The following SNRNP25 variants were observed in gnomAD, a reference collection of about 807,000 sequenced individuals.
The protein encoded by SNRNP25 is small nuclear ribonucleoprotein U11/U12 subunit 25.
Under a neutral mutation model 23.9 loss-of-function variants are expected in SNRNP25, and 21 were observed. The ratio of observed to expected loss-of-function variants is 0.88; its 90% CI spans 0.62 to 1.27. SNRNP25 has a LOEUF of 1.27. Among genes scored for constraint, SNRNP25 ranks in the 50% most tolerant of loss-of-function variants. The pLI, the probability that SNRNP25 is intolerant of heterozygous loss-of-function variation, is 0.00. For synonymous variants in SNRNP25, 63 were observed against 60.4 expected, an observed-to-expected ratio of 1.04 and a Z score of -0.20; for missense variants, 160 against 156.9, an observed-to-expected ratio of 1.02 and a Z score of -0.11.
At position 57,535 on chromosome 16, in the gene SNRNP25, G is replaced by A. The variant is rs915715433; in HGVS notation, c.*392G>A. The A allele has an allele frequency of 8.1e-6, 2 of 245,848 alleles. No individual in the cohort carries two copies. The highest frequency in any genetic ancestry group is 1.5e-3 in the Middle Eastern group (1 of 666). 15.2% of individuals were successfully genotyped at this position (245,848 alleles called of 1,614,324 possible). A position where few individuals can be genotyped will look rare whatever the true frequency, so the allele number is the denominator to read the frequency against. On this transcript the variant is annotated 3_prime_UTR_variant, in exon 5 of 5. Coordinates refer to ENST00000293861, the MANE Select transcript of SNRNP25 (RefSeq NM_024571.4). ...GAGTTAAGGGGAGAGAATTGGTACA[G>A]GCGAGTCCTATAGTCCAAGATGGCG...
Position 57,230 on chromosome 16 carries a change from A to C in SNRNP25, c.*87A>C, listed in dbSNP as rs941130559. The C allele has an allele frequency of 7.0e-7, 1 of 1,422,042 alleles. No individual in the cohort carries two copies. The highest frequency in any genetic ancestry group is 9.9e-7 in the Non-Finnish European group (1 of 1,007,914). 88.1% of individuals were successfully genotyped at this position (1,422,042 alleles called of 1,614,324 possible). A position where few individuals can be genotyped will look rare whatever the true frequency, so the allele number is the denominator to read the frequency against. The stretch of plus-strand genomic sequence containing the variant: ...GTCCTCGAATCATCGTGCCTCTTTC[A>C]CAGAAAGGACGTTGTGGTGGCCTCA... On this transcript the variant is annotated 3_prime_UTR_variant, in exon 5 of 5. Transcript: ENST00000293861.
intron 3 of SNRNP25, 157 bp from the exon 4 acceptor site, chr16:56,382 G>C (rs1416995878): frequency 1.3e-6 from 1 of 763,470 alleles, no homozygotes; most frequent in Non-Finnish European, 2.3e-6. Context: ...CCTTGTAGCT[G>C]CCTCAGACCC....
At chr16:55,909 A>G in intron 3 of SNRNP25, 27 bp downstream of exon 3, 1 of 1,602,838 alleles carries the variant, frequency 6.2e-7, no homozygotes, top group Non-Finnish European at 8.5e-7. Flanking sequence ...TCCCTTCATT[A>G]TAGCCCTTCG....
intron 4 of SNRNP25, 67 bp from the exon 5 acceptor site, chr16:57,019 T>G: frequency 6.4e-7 from 1 of 1,564,040 alleles, no homozygotes; most frequent in Non-Finnish European, 8.8e-7. Context: ...CTCCACAGCC[T>G]CAGGAGGGGA....
rs768627116 is a variant in SNRNP25 at position 54,102 on chromosome 16, G to GA, written c.42+44_42+45insA. On this transcript the variant is annotated intron_variant, in intron 1 of 4. Transcript: ENST00000293861. ...TGGGGGCGCGGGAGTCGTTCCCCGG[G>GA]GTCCGGGCATCCGGGCGCCGGCAGC... 72 of 1,569,104 alleles carry GA rather than the reference G, an allele frequency of 4.6e-5. 1 individual carries two copies. In the African/African-American group the frequency reaches 6.4e-4, roughly 14 times the overall value.
chr16:54,095 T>TC lies in SNRNP25; in HGVS notation c.42+41dup, dbSNP rs779581979. ...CGGGGGCTGGGGGCGCGGGAGTCGTTCCCCGGGGTCCGGGCATCCGGGCGC... is the reference window on the plus strand; with the variant it reads ...CGGGGGCTGGGGGCGCGGGAGTCGTTCCCCCGGGGTCCGGGCATCCGGGCGC... On this transcript the variant is annotated intron_variant, in intron 1 of 4. Coordinates refer to ENST00000293861, the MANE Select transcript of SNRNP25 (RefSeq NM_024571.4). 1.2e-5 allele frequency: 19 copies of TC among 1,573,102 alleles called. No homozygotes were observed. In the African/African-American group the frequency reaches 2.6e-4, roughly 21 times the overall value.
At chr16:57,028 G>A (rs894352029) in intron 4 of SNRNP25, 58 bp from the exon 5 acceptor site, 107 of 1,579,380 alleles carry the variant, frequency 6.8e-5, no homozygotes, top group Non-Finnish European at 1.8e-5. Flanking sequence ...CTCAGGAGGG[G>A]AGTCACAGAT....
rs1184890228 is a variant in SNRNP25 at position 54,051 on chromosome 16, C to T, written c.35C>T (p.Pro12Leu). The change falls in exon 1 of 5, where the codon CCG (proline) becomes CTG (leucine). Residue 12 changes from proline (P) to leucine (L), a missense_variant. Physicochemically the swap from Pro to Leu is moderately conservative, Grantham distance 98 (BLOSUM62 -3). Transcript: ENST00000293861. Reference sequence around the variant, plus strand: ...CAGGACCCGCTGCTCTGCGATCTGCCGATCCAGGTGTGTGCGGGCGGGGGC... The same window carrying T: ...CAGGACCCGCTGCTCTGCGATCTGCTGATCCAGGTGTGTGCGGGCGGGGGC... ...VVQDPLLCDL[P>L]IQVTLEEVNS... The T allele has an allele frequency of 1.2e-6, 2 of 1,606,156 alleles. No homozygotes were observed. The highest frequency in any genetic ancestry group is 2.2e-5 in the East Asian group (1 of 44,716).
chr16:56,970 A>T, intron 4 of SNRNP25, 116 bp from the exon 5 acceptor site: 2 of 1,194,504 alleles, frequency 1.7e-6, no homozygotes, highest in Non-Finnish European at 2.5e-6. Flanking sequence ...TGGCCTTCCC[A>T]GAAGCCACAC....
Position 53,914 on chromosome 16 carries a change from G to T in SNRNP25, c.-103G>T. On this transcript the variant is annotated 5_prime_UTR_variant, in exon 1 of 5. Transcript: ENST00000293861. Reference sequence around the variant, plus strand: ...GGCTGAGAGGGGCGGCCCTGGAGGAGACGGAGGCCGCGGGTGGGCCCGAGG... The same window carrying T: ...GGCTGAGAGGGGCGGCCCTGGAGGATACGGAGGCCGCGGGTGGGCCCGAGG... 6.5e-7 allele frequency: 1 copy of T among 1,536,724 alleles called. No individual in the cohort carries two copies. Among genetic ancestry groups the T allele is most frequent in the Non-Finnish European group, 8.8e-7 (1 of 1,135,302 alleles).
In SNRNP25 at chr16:57,267, C is replaced by A; in HGVS notation, c.*124C>A. 2 of 1,039,056 alleles carry A rather than the reference C, an allele frequency of 1.9e-6. No individual in the cohort carries two copies. Among genetic ancestry groups the A allele is most frequent in the Non-Finnish European group, 1.5e-6 (1 of 671,712 alleles). 64.4% of individuals were successfully genotyped at this position (1,039,056 alleles called of 1,614,324 possible). On this transcript the variant is annotated 3_prime_UTR_variant, in exon 5 of 5. Coordinates refer to ENST00000293861, the MANE Select transcript of SNRNP25 (RefSeq NM_024571.4). ...TTGTGGTGGCCTCACCCCAGGCATG[C>A]CCAACAGTAACTGTCAGCATAAACC... is the stretch of plus-strand genomic sequence containing the variant.
At position 55,210 on chromosome 16, in the gene SNRNP25, T is replaced by G. The variant is rs564574196; in HGVS notation, c.43-249T>G. On this transcript the variant is annotated intron_variant, in intron 1 of 4. Transcript: ENST00000293861. ...CCTGGGGGCAGGTCCTCATGTGAGT[T>G]TATTCTCTTGCCTGTTTCTTAGCAC... 105 of 445,448 alleles carry G rather than the reference T, an allele frequency of 2.4e-4. 1 individual carries two copies. Among genetic ancestry groups the G allele is most frequent in the African/African-American group, 2.1e-3 (103 of 50,114 alleles). 27.6% of individuals were successfully genotyped at this position (445,448 alleles called of 1,614,324 possible). A position where few individuals can be genotyped will look rare whatever the true frequency, so the allele number is the denominator to read the frequency against.
At chr16:56,115 C>T in intron 3 of SNRNP25, 1 of 619,576 alleles carries the variant, frequency 1.6e-6, no homozygotes, top group Non-Finnish European at 2.9e-6. Context: ...CTTCCATCGG[C>T]ATCACCCCAT....
intron 3 of SNRNP25, 181 bp downstream of exon 3, chr16:56,063 T>G (rs990251074): frequency 4.6e-6 from 3 of 654,590 alleles, no homozygotes; most frequent in Middle Eastern, 4.1e-4. Flanking sequence ...CGGGTCGTTC[T>G]GTGCCTGGGA....
chr16:57,146 CT>C lies in SNRNP25; in HGVS notation c.*4del, dbSNP rs1426906007. 1 of 1,613,894 alleles carries C rather than the reference CT, an allele frequency of 6.2e-7. No homozygotes were observed. The highest frequency in any genetic ancestry group is 1.3e-5 in the African/African-American group (1 of 74,936). ...TCAAAAAGCTGAGGCAAAAGTGAGCCTCCAGACAGGACAACCCTCTTCATCA... is the reference window on the plus strand; with the variant it reads ...TCAAAAAGCTGAGGCAAAAGTGAGCCCCAGACAGGACAACCCTCTTCATCA... On this transcript the variant is annotated 3_prime_UTR_variant, in exon 5 of 5. Coordinates refer to ENST00000293861, the MANE Select transcript of SNRNP25 (RefSeq NM_024571.4).
At position 55,514 on chromosome 16, in the gene SNRNP25, C is replaced by A; in HGVS notation, c.98C>A (p.Thr33Lys). Residue 33 changes from threonine (T) to lysine (K), a missense_variant, in exon 2 of 5, where the codon ACG becomes AAG. By Grantham distance (78) the Thr-to-Lys change is moderately conservative. Transcript: ENST00000293861. ...QIALEYGQAMTVRVCKMDGEV... is the reference protein window; with the variant it reads ...QIALEYGQAMKVRVCKMDGEV... ...GCCCTAGAATACGGCCAGGCAATGA[C>A]GGTCCGAGTGTGCAAGATGGATGGA... 6.2e-7 allele frequency: 1 copy of A among 1,614,150 alleles called. No individual in the cohort carries two copies. The highest frequency in any genetic ancestry group is 8.5e-7 in the Non-Finnish European group (1 of 1,180,024).
rs778457406 is a variant in SNRNP25, at chr16:53,987, G to A, written c.-30G>A. On this transcript the variant is annotated 5_prime_UTR_variant, in exon 1 of 5. Transcript: ENST00000293861. ...AGAAGAGGCGCTGCCGCACTCCGAG[G>A]CCATGGACGTGTTCCAGGAGGGTCT... 1.9e-6 allele frequency: 3 copies of A among 1,608,812 alleles called. No homozygotes were observed. Among genetic ancestry groups the A allele is most frequent in the East Asian group, 4.5e-5 (2 of 44,738 alleles).
rs546772807 is a variant in SNRNP25 at position 55,665 on chromosome 16, G to T, written c.134-112G>T. 3.1e-5 allele frequency: 47 copies of T among 1,534,198 alleles called. No homozygotes were observed. The South Asian group carries it at 5.1e-4, about 17-fold the overall frequency. On this transcript the variant is annotated intron_variant, in intron 2 of 4. Transcript: ENST00000293861. ...ACAGGCCATGCCCAGGGGTACTGGG[G>T]CAACCACAAACCTGCCCTGTGCACA...
In SNRNP25 at chr16:56,608, C is replaced by T; in HGVS notation, c.309C>T (p.Leu103=). ...GEKLTEDRKK[L]RDYGIRNRDE... ...AACTCACGGAAGACAGAAAGAAGCTCCGAGAGTAAGTGCCGGCCACGTCCT... is the reference window on the plus strand; with the variant it reads ...AACTCACGGAAGACAGAAAGAAGCTTCGAGAGTAAGTGCCGGCCACGTCCT... Residue 103 remains leucine, a synonymous_variant, in exon 4 of 5, where the codon CTC becomes CTT. Coordinates refer to ENST00000293861, the MANE Select transcript of SNRNP25 (RefSeq NM_024571.4). 6.2e-7 allele frequency: 1 copy of T among 1,613,932 alleles called. No individual in the cohort carries two copies. The highest frequency in any genetic ancestry group is 1.1e-5 in the South Asian group (1 of 91,088).
Sources: allele counts gnomAD v4.1 joint callset, GRCh38; gene constraint gnomAD v4.1.1; transcripts MANE v1.5; gene names NCBI Gene and HGNC (gene_info 2026-07-23, HGNC 2026-07-21).